TULP4: variants seen among roughly 807,000 people sequenced by gnomAD.
TULP4 encodes tubby-related protein 4.
A neutral mutation model predicts 129.0 loss-of-function variants in TULP4; 16 were observed. That is an observed-to-expected ratio of 0.12 (90% CI 0.08 to 0.19). The LOEUF is 0.19. Among genes scored for constraint, TULP4 ranks in the 10% least tolerant of loss-of-function variants. The probability of loss-of-function intolerance (pLI) is 1.00; values close to 1 mark genes in which losing one functional copy is unlikely to be tolerated. For missense variants in TULP4, 1,842 were observed against 2,059.1 expected (o/e 0.89, Z 2.04); for synonymous variants, 998 against 854.0 (o/e 1.17, Z -2.94).
intron 1 of TULP4, among the ~76,000 whole-genome samples, chr6:158,319,026 G>C (rs565456945): frequency 1.3e-5 from 2 of 151,810 alleles, no homozygotes; most frequent in African/African-American, 4.8e-5. Context: ...GATTATAGGT[G>C]AGAGCCACTG....
intron 3 of TULP4, among the ~76,000 whole-genome samples, chr6:158,436,301 T>G (rs898954261): frequency 6.6e-5 from 10 of 152,234 alleles, no homozygotes; most frequent in Admixed American, 1.3e-4. Context: ...TTATTTATAC[T>G]TAAAGTTTAT....
At chr6:158,308,480 C>A (rs1488089326), upstream of TULP4, among the ~76,000 whole-genome samples, 1 of 152,114 alleles carries the variant, frequency 6.6e-6, no homozygotes, top group African/African-American at 2.4e-5. Flanking sequence ...ACAAAACCGC[C>A]ATTGTCATCA....
intron 1 of TULP4, among the ~76,000 whole-genome samples, chr6:158,262,190 G>A (rs1162802449): frequency 1.3e-5 from 2 of 152,164 alleles, no homozygotes; most frequent in Non-Finnish European, 2.9e-5. Context: ...CTGACATCGT[G>A]TCCCTGAAGG....
At chr6:158,327,457 T>C (rs1337015806) in intron 1 of TULP4, among the ~76,000 whole-genome samples, 2 of 152,230 alleles carry the variant, frequency 1.3e-5, no homozygotes, top group Non-Finnish European at 2.9e-5. Flanking sequence ...TTTAACCTCT[T>C]AGAATAACTT....
Position 158,493,751 on chromosome 6 carries a change from TC to T in TULP4, c.1776+36del. Reference sequence around the variant, plus strand: ...CCCCAGTTACCCTGCCTTGCTCCCCTCCTCCTGGGGGCTATGCCCAGAGGGC... The same window carrying T: ...CCCCAGTTACCCTGCCTTGCTCCCCTCTCCTGGGGGCTATGCCCAGAGGGC... On this transcript the variant is annotated intron_variant, in intron 10 of 13. Transcript: ENST00000367097. This position sits in a 1 kb window ranked among gnomAD's most constrained non-coding sequence, Gnocchi z 4.4. 1 of 1,508,226 alleles carries T rather than the reference TC, an allele frequency of 6.6e-7. No individual in the cohort carries two copies. The highest frequency in any genetic ancestry group is 8.9e-7 in the Non-Finnish European group (1 of 1,126,652). The allele number at this position is 1,508,226 out of a possible 1,614,324, so 93.4% of individuals were successfully genotyped here. A position where few individuals can be genotyped will look rare whatever the true frequency, so the allele number is the denominator to read the frequency against.
At chr6:158,463,777 G>A (rs1264532893) in intron 6 of TULP4, among the ~76,000 whole-genome samples, 11 of 147,290 alleles carry the variant, frequency 7.5e-5, no homozygotes, top group Non-Finnish European at 1.6e-4. Flanking sequence ...GGGGAAATCT[G>A]TAATTACATG....
chr6:158,269,442 G>C (rs956518339), intron 1 of TULP4, among the ~76,000 whole-genome samples: 15 of 150,606 alleles, frequency 1.0e-4, no homozygotes, highest in African/African-American at 3.2e-4. Flanking sequence ...CATGGAGTAA[G>C]ATGCAAAGTG....
chr6:158,426,544 A>G (rs1778499099), intron 2 of TULP4, among the ~76,000 whole-genome samples: 1 of 151,908 alleles, frequency 6.6e-6, no homozygotes, highest in Non-Finnish European at 1.5e-5. Context: ...ATGCAGCCTT[A>G]TTTCTGGGTT....
intron 7 of TULP4, 102 bp downstream of exon 7, chr6:158,480,077 G>C: frequency 1.2e-6 from 1 of 869,478 alleles, no homozygotes. Context: ...AGCACATGGG[G>C]CCATGTGCAG....
At chr6:158,490,765 G>A (rs1473238085) in intron 9 of TULP4, among the ~76,000 whole-genome samples, 1 of 151,044 alleles carries the variant, frequency 6.6e-6, no homozygotes, top group Non-Finnish European at 1.5e-5. Context: ...TATGTCAAAC[G>A]ATATGTTCCC....
At chr6:158,310,755 A>G (rs916896655), upstream of TULP4, among the ~76,000 whole-genome samples, 6 of 152,184 alleles carry the variant, frequency 3.9e-5, no homozygotes, top group African/African-American at 1.4e-4. Context: ...GAAAAAAGCA[A>G]GCAGTTCATT....
intron 1 of TULP4, among the ~76,000 whole-genome samples, chr6:158,344,647 T>C (rs1476184266): frequency 6.6e-6 from 1 of 152,172 alleles, no homozygotes; most frequent in African/African-American, 2.4e-5. Flanking sequence ...GTTATGACTG[T>C]TCCACCGGCT....
rs549868548 is a variant in TULP4, at chr6:158,269,388, A to G, written n.68+37085A>G. ...TTTAGTTTCAGCATTTGTAAAAAAA[A>G]AAAAAAAAAAAAGGATTTTCCTGTC... On this transcript the variant is annotated intron_variant and non_coding_transcript_variant, in intron 1 of 1. Transcript: ENST00000620026. 3.8e-3 allele frequency among the ~76,000 whole-genome samples: 581 copies of G among 151,892 alleles called. 6 individuals are homozygous for G. Among genetic ancestry groups the G allele is most frequent in the African/African-American group, 0.013 (556 of 41,400 alleles).
At chr6:158,438,844 C>T (rs145261976) in intron 3 of TULP4, among the ~76,000 whole-genome samples, 377 of 152,210 alleles carry the variant, frequency 2.5e-3, no homozygotes, top group African/African-American at 8.8e-3. Flanking sequence ...CTAGGCCTCC[C>T]AAAACTGCAC....
upstream of TULP4, among the ~76,000 whole-genome samples, chr6:158,308,387 T>C (rs1430324644): frequency 1.3e-5 from 2 of 151,830 alleles, no homozygotes; most frequent in African/African-American, 4.8e-5. Context: ...ATGAAAAGTT[T>C]CCCATGTCTA....
intron 6 of TULP4, among the ~76,000 whole-genome samples, chr6:158,466,577 G>A (rs1287296861): frequency 2.6e-5 from 4 of 152,156 alleles, no homozygotes; most frequent in Non-Finnish European, 4.4e-5. Flanking sequence ...GGATTAAACT[G>A]TGTCTTTGGG....
At chr6:158,444,246 A>AAAAAAT (rs1562568657) in intron 3 of TULP4, among the ~76,000 whole-genome samples, 4 of 86,754 alleles carry the variant, frequency 4.6e-5, no homozygotes, top group African/African-American at 8.1e-5. Flanking sequence ...AAAAAAAAAA[A>AAAAAAT]TTTTTTTTTT....
intron 3 of TULP4, among the ~76,000 whole-genome samples, chr6:158,430,224 A>G (rs536401851): frequency 2.0e-5 from 3 of 152,258 alleles, no homozygotes; most frequent in East Asian, 3.9e-4. Flanking sequence ...AAAAATCAGG[A>G]TAGGAAATGG....
chr6:158,503,485 C>T lies in TULP4; in HGVS notation c.3822C>T (p.Asn1274=). 1.9e-6 allele frequency: 3 copies of T among 1,613,964 alleles called. No individual in the cohort carries two copies. The highest frequency in any genetic ancestry group is 2.5e-6 in the Non-Finnish European group (3 of 1,179,994). ...SSYSACPPMQ[N]PQGTLPPKPH... ...ACAGCGCCTGCCCGCCCATGCAGAA[C>T]CCCCAGGGCACTCTCCCCCCAAAGC... Residue 1274 remains asparagine, a synonymous_variant, in exon 13 of 14, where the codon AAC becomes AAT. Transcript: ENST00000367097. This position sits in a 1 kb window ranked among gnomAD's most constrained non-coding sequence, Gnocchi z 4.3.
Sources: allele counts gnomAD v4.1 joint callset (sites outside exome capture counted in the v4.1 genomes callset), GRCh38; gene constraint gnomAD v4.1.1; non-coding constraint Gnocchi (gnomAD v3.1); transcripts MANE v1.5; gene names NCBI Gene and HGNC (gene_info 2026-07-23, HGNC 2026-07-21).